Variants in SGMS1 observed in about 807,000 individuals in gnomAD.
SGMS1 encodes the protein sphingomyelin synthase 1.
SGMS1 carries 13 observed loss-of-function variants against 46.2 expected under a neutral mutation model. The ratio of observed to expected loss-of-function variants is 0.28; its 90% CI spans 0.18 to 0.45. The LOEUF is 0.45. Among genes scored for constraint, SGMS1 ranks in the 20% least tolerant of loss-of-function variants. The pLI is 1.00. For synonymous variants in SGMS1, 203 were observed against 187.8 expected, an observed-to-expected ratio of 1.08 and a Z score of -0.66; for missense variants, 324 against 519.9, an observed-to-expected ratio of 0.62 and a Z score of 3.66.
At chr10:50,377,174 C>T (rs1848533357) in intron 6 of SGMS1, among the ~76,000 whole-genome samples, 2 of 152,196 alleles carry the variant, frequency 1.3e-5, no homozygotes, top group Admixed American at 1.3e-4. Context: ...CAGGCAGCTA[C>T]ATCTGGTTGG....
chr10:50,562,288 G>C (rs1202888594), intron 2 of SGMS1, among the ~76,000 whole-genome samples: 1 of 150,474 alleles, frequency 6.6e-6, no homozygotes, highest in Non-Finnish European at 1.5e-5. Context: ...ATGGTTTGGT[G>C]TATCTGCTAC....
At chr10:50,356,806 C>A (rs974751528) in intron 6 of SGMS1, among the ~76,000 whole-genome samples, 1 of 152,052 alleles carries the variant, frequency 6.6e-6, no homozygotes, top group Admixed American at 6.6e-5. Context: ...TCTCAGCAAA[C>A]TGTCACAAGG....
chr10:50,533,093 G>T (rs1837969530), intron 2 of SGMS1, among the ~76,000 whole-genome samples: 1 of 152,130 alleles, frequency 6.6e-6, no homozygotes, highest in South Asian at 2.1e-4. Flanking sequence ...AGCTAATGTA[G>T]AGTAAACATA....
chr10:50,460,008 G>A (rs1405089468), intron 5 of SGMS1: 4 of 152,024 alleles, frequency 2.6e-5, no homozygotes, highest in African/African-American at 4.8e-5. Flanking sequence ...AAAGGATCAC[G>A]GTGACATATG....
At chr10:50,522,508 C>A (rs983555296) in intron 2 of SGMS1, among the ~76,000 whole-genome samples, 1 of 152,132 alleles carries the variant, frequency 6.6e-6, no homozygotes, top group African/African-American at 2.4e-5. Context: ...ATATGAGTCA[C>A]AATCCCCTGT....
intron 2 of SGMS1, among the ~76,000 whole-genome samples, chr10:50,546,471 C>T (rs1013799549): frequency 1.3e-5 from 2 of 152,124 alleles, no homozygotes; most frequent in Non-Finnish European, 2.9e-5. Context: ...TGGAATCAAT[C>T]CAAATGTCCA....
intron 6 of SGMS1, among the ~76,000 whole-genome samples, chr10:50,353,905 G>A (rs1342761618): frequency 6.6e-6 from 1 of 152,130 alleles, no homozygotes; most frequent in Admixed American, 6.5e-5. Context: ...CCTCTTCAAG[G>A]AGAACTACAA....
intron 3 of SGMS1, among the ~76,000 whole-genome samples, chr10:50,518,480 G>A (rs938689934): frequency 5.9e-5 from 9 of 152,194 alleles, no homozygotes; most frequent in African/African-American, 2.2e-4. Flanking sequence ...AGGCTGGAGT[G>A]CAATGGCATG....
At chr10:50,512,610 A>G (rs1837766993) in intron 3 of SGMS1, among the ~76,000 whole-genome samples, 1 of 152,210 alleles carries the variant, frequency 6.6e-6, no homozygotes, top group Non-Finnish European at 1.5e-5. Flanking sequence ...TGATCCAGCT[A>G]TGAGGAAGTT....
intron 3 of SGMS1, among the ~76,000 whole-genome samples, chr10:50,485,131 C>T (rs978301281): frequency 1.3e-5 from 2 of 152,068 alleles, no homozygotes; most frequent in Non-Finnish European, 1.5e-5. Flanking sequence ...TGACATGATC[C>T]TATATCAAGA....
At position 50,616,189 on chromosome 10, in the gene SGMS1, C is replaced by T. The variant is rs1264369980; in HGVS notation, c.-684+7518G>A. ...GGAGTACAGTGGCATGGTCACAGCT[C>T]ATCACAGGCTCAACCTCCAGGCTCG... On this transcript the variant is annotated intron_variant, in intron 1 of 10. Transcript: ENST00000361781. 2.6e-5 allele frequency among the ~76,000 whole-genome samples: 4 copies of T among 152,284 alleles called. No individual in the cohort carries two copies. In the East Asian group the frequency reaches 7.7e-4, roughly 29 times the overall value.
intron 2 of SGMS1, among the ~76,000 whole-genome samples, chr10:50,572,047 C>T (rs951988834): frequency 2.0e-5 from 3 of 152,176 alleles, no homozygotes; most frequent in Non-Finnish European, 4.4e-5. Context: ...GTTCTGACAA[C>T]AAGGTCAGCC....
At chr10:50,425,531 TG>T (rs1438183252) in intron 6 of SGMS1, among the ~76,000 whole-genome samples, 1 of 152,164 alleles carries the variant, frequency 6.6e-6, no homozygotes, top group African/African-American at 2.4e-5. Context: ...CACTTATAAG[TG>T]GGACCTAAAC....
At chr10:50,511,314 A>G (rs1437500233) in intron 3 of SGMS1, among the ~76,000 whole-genome samples, 1 of 151,792 alleles carries the variant, frequency 6.6e-6, no homozygotes, top group African/African-American at 2.4e-5. Flanking sequence ...ATGAAAAGTA[A>G]AAAGTGAGAT....
intron 2 of SGMS1, among the ~76,000 whole-genome samples, chr10:50,566,309 T>C (rs1333091435): frequency 1.3e-5 from 2 of 152,210 alleles, no homozygotes; most frequent in Admixed American, 6.5e-5. Context: ...TTAACCTTTG[T>C]GTTTGTTAAA....
At chr10:50,526,222 A>G (rs1837900074) in intron 2 of SGMS1, among the ~76,000 whole-genome samples, 1 of 152,222 alleles carries the variant, frequency 6.6e-6, no homozygotes, top group Non-Finnish European at 1.5e-5. Context: ...GGAAACTTAC[A>G]ATCACGGCAG....
chr10:50,428,691 C>G (rs1849361630), intron 6 of SGMS1, among the ~76,000 whole-genome samples: 1 of 152,190 alleles, frequency 6.6e-6, no homozygotes. Context: ...AGTGCCTGAA[C>G]TACAACACCA....
At chr10:50,448,303 A>AT (rs1296927409) in intron 5 of SGMS1, among the ~76,000 whole-genome samples, 8 of 152,170 alleles carry the variant, frequency 5.3e-5, no homozygotes, top group South Asian at 2.1e-4. Flanking sequence ...AGAAGAGTAT[A>AT]TTTTTTAACA....
chr10:50,596,390 C>T (rs985992582), intron 1 of SGMS1, among the ~76,000 whole-genome samples: 9 of 152,212 alleles, frequency 5.9e-5, no homozygotes, highest in African/African-American at 1.9e-4. Flanking sequence ...GTTGGCTAAG[C>T]TGGTCTTGAA....
Sources: allele counts gnomAD v4.1 joint callset (sites outside exome capture counted in the v4.1 genomes callset), GRCh38; gene constraint gnomAD v4.1.1; transcripts MANE v1.5; gene names NCBI Gene and HGNC (gene_info 2026-07-23, HGNC 2026-07-21).